CEMIP: variants seen among roughly 807,000 people sequenced by gnomAD.
CEMIP encodes the protein cell migration inducing hyaluronidase 1.
Under a neutral mutation model 156.9 loss-of-function variants are expected in CEMIP, and 105 were observed. The ratio of observed to expected loss-of-function variants is 0.67; its 90% CI spans 0.57 to 0.79. CEMIP has a LOEUF of 0.79. Ranked by LOEUF, CEMIP falls within the 30% of genes least tolerant of loss-of-function variation. CEMIP has a pLI of 0.00. For missense variants in CEMIP, 1,457 were observed against 1,769.4 expected (o/e 0.82, Z 3.17); for synonymous variants, 676 against 668.4 (o/e 1.01, Z -0.17).
At chr15:80,923,136 T>G (rs1287400667) in intron 17 of CEMIP, among the ~76,000 whole-genome samples, 1 of 152,006 alleles carries the variant, frequency 6.6e-6, no homozygotes, top group African/African-American at 2.4e-5. Context: ...GGGTAAGCAG[T>G]TGCAGGGTGG....
chr15:80,862,909 C>T (rs866093015), intron 1 of CEMIP, among the ~76,000 whole-genome samples: 18 of 152,170 alleles, frequency 1.2e-4, no homozygotes, highest in African/African-American at 4.1e-4. Context: ...GGTCTGGGGA[C>T]TGAGGGCAGG....
At chr15:80,929,457 A>G (rs1006595603) in intron 21 of CEMIP, among the ~76,000 whole-genome samples, 3 of 152,220 alleles carry the variant, frequency 2.0e-5, no homozygotes, top group African/African-American at 7.2e-5. Flanking sequence ...TGTGTCTGGG[A>G]TCAGGGACTG....
chr15:80,783,484 T>A (rs558076237), intron 1 of CEMIP, among the ~76,000 whole-genome samples: 1 of 152,320 alleles, frequency 6.6e-6, no homozygotes, highest in East Asian at 1.9e-4. Flanking sequence ...TAGGAAAGGA[T>A]CACATTCTTA....
Position 80,921,918 on chromosome 15 carries a change from C to T in CEMIP, c.2074-91C>T, listed in dbSNP as rs1900487369. 5 of 1,556,586 alleles carry T rather than the reference C, an allele frequency of 3.2e-6. No homozygotes were observed. The Admixed American group carries it at 5.0e-5, about 16-fold the overall frequency. On this transcript the variant is annotated intron_variant, in intron 16 of 29. Transcript: ENST00000394685. ...GTGGGTGACGGCAGTAGCTACTAGA[C>T]CCATCTCCGGCGTGGGCCGCGTGGC...
chr15:80,890,656 C>G (rs974553038), intron 10 of CEMIP, among the ~76,000 whole-genome samples: 8 of 151,944 alleles, frequency 5.3e-5, no homozygotes, highest in African/African-American at 1.9e-4. Flanking sequence ...CTCCTTCAGC[C>G]AATAAAAATA....
chr15:80,938,128 C>T, intron 25 of CEMIP, 149 bp downstream of exon 25: 6 of 673,908 alleles, frequency 8.9e-6, no homozygotes, highest in South Asian at 8.2e-5. Flanking sequence ...GCTGACTGTC[C>T]CATACATTAA....
At chr15:80,807,063 G>A (rs999246947) in intron 1 of CEMIP, among the ~76,000 whole-genome samples, 2 of 152,162 alleles carry the variant, frequency 1.3e-5, no homozygotes, top group African/African-American at 4.8e-5. Context: ...GAAACAAAAA[G>A]TATTATGAGT....
Position 80,911,015 on chromosome 15 carries a change from C to T in CEMIP, c.1797+1709C>T, listed in dbSNP as rs146185966. On this transcript the variant is annotated intron_variant, in intron 14 of 29. Transcript: ENST00000394685. The stretch of plus-strand genomic sequence containing the variant: ...CTCTGGAGCCAGACTTCCTGGGTTG[C>T]GATTGGAGTTCTGCCGCTTACAAGC... 1.6e-3 allele frequency among the ~76,000 whole-genome samples: 243 copies of T among 152,312 alleles called. 1 individual carries two copies. Among genetic ancestry groups the T allele is most frequent in the African/African-American group, 5.5e-3 (227 of 41,562 alleles).
chr15:80,919,678 G>T (rs1900400379), intron 14 of CEMIP, among the ~76,000 whole-genome samples: 1 of 152,160 alleles, frequency 6.6e-6, no homozygotes, highest in Non-Finnish European at 1.5e-5. Context: ...AGCTGGGTGT[G>T]GGGGCGTGTG....
chr15:80,830,555 C>G (rs1028054504), intron 1 of CEMIP, among the ~76,000 whole-genome samples: 1 of 152,134 alleles, frequency 6.6e-6, no homozygotes, highest in African/African-American at 2.4e-5. Flanking sequence ...CCTCCTGCCT[C>G]GAGGGTACTT....
chr15:80,832,827 C>T (rs1187742787), intron 1 of CEMIP, among the ~76,000 whole-genome samples: 2 of 152,150 alleles, frequency 1.3e-5, no homozygotes, highest in Admixed American at 1.3e-4. Flanking sequence ...TGGACAGAGC[C>T]AACTTGTCTC....
At chr15:80,914,333 T>C (rs1429888989) in intron 14 of CEMIP, among the ~76,000 whole-genome samples, 1 of 152,250 alleles carries the variant, frequency 6.6e-6, no homozygotes, top group Non-Finnish European at 1.5e-5. Context: ...GAAGATACCA[T>C]GCTCTTTCCT....
At chr15:80,922,264 G>A (rs924027096) in intron 17 of CEMIP, 127 bp downstream of exon 17, 22 of 1,276,974 alleles carry the variant, frequency 1.7e-5, no homozygotes, top group East Asian at 1.4e-4. Context: ...TGCTGGTCTC[G>A]AAGAAAATGG....
intron 1 of CEMIP, among the ~76,000 whole-genome samples, chr15:80,806,840 C>T (rs568150215): frequency 8.5e-5 from 13 of 152,294 alleles, no homozygotes; most frequent in East Asian, 1.9e-4. Context: ...AATCCTAAGA[C>T]GGATAAAAAT....
At chr15:80,838,820 A>G (rs1449578418) in intron 1 of CEMIP, among the ~76,000 whole-genome samples, 1 of 152,202 alleles carries the variant, frequency 6.6e-6, no homozygotes, top group Non-Finnish European at 1.5e-5. Flanking sequence ...AGGTTCAGAC[A>G]GGTTGGGCAA....
chr15:80,906,038 A>G lies in CEMIP; in HGVS notation c.1412-625A>G, dbSNP rs182404282. Among the ~76,000 whole-genome samples, 7 of 152,380 alleles carry G rather than the reference A, an allele frequency of 4.6e-5. No homozygotes were observed. Among genetic ancestry groups the G allele is most frequent in the Admixed American group, 2.6e-4 (4 of 15,310 alleles). On this transcript the variant is annotated intron_variant, in intron 12 of 29. Coordinates refer to ENST00000394685, the MANE Select transcript of CEMIP (RefSeq NM_001293298.2). The surrounding 1 kb of genome is among the most constrained non-coding windows in gnomAD (Gnocchi z 4.3). ...TAGATACACACTCTACATGAGGCTG[A>G]GGTAAGCAGAATAGGGATTTGCCTG...
At position 80,906,564 on chromosome 15, in the gene CEMIP, G is replaced by A. The variant is rs1899813099; in HGVS notation, c.1412-99G>A. 5 of 1,209,416 alleles carry A rather than the reference G, an allele frequency of 4.1e-6. No individual in the cohort carries two copies. The highest frequency in any genetic ancestry group is 2.0e-5 in the Admixed American group (1 of 51,254). 74.9% of individuals were successfully genotyped at this position (1,209,416 alleles called of 1,614,324 possible). A position where few individuals can be genotyped will look rare whatever the true frequency, so the allele number is the denominator to read the frequency against. ...GACCACTGTGCACACCAGGCATGGC[G>A]ATGAGTAAGCAGCAGCCATGGAGGC... On this transcript the variant is annotated intron_variant, in intron 12 of 29. Transcript: ENST00000394685. This position sits in a 1 kb window ranked among gnomAD's most constrained non-coding sequence, Gnocchi z 4.3.
chr15:80,927,053 G>C (rs1172490195), intron 19 of CEMIP, among the ~76,000 whole-genome samples: 1 of 152,320 alleles, frequency 6.6e-6, no homozygotes, highest in South Asian at 2.1e-4. Flanking sequence ...CTGGTCGCAA[G>C]CTCCTGACCT....
chr15:80,843,041 C>A (rs543476803), intron 1 of CEMIP, among the ~76,000 whole-genome samples: 1 of 152,194 alleles, frequency 6.6e-6, no homozygotes, highest in African/African-American at 2.4e-5. Flanking sequence ...CTGGACCATA[C>A]AAGGTGACCT....
Sources: allele counts gnomAD v4.1 joint callset (sites outside exome capture counted in the v4.1 genomes callset), GRCh38; gene constraint gnomAD v4.1.1; non-coding constraint Gnocchi (gnomAD v3.1); transcripts MANE v1.5; gene names NCBI Gene and HGNC (gene_info 2026-07-23, HGNC 2026-07-21).